RBFOX1: variants seen among roughly 807,000 people sequenced by gnomAD.
RBFOX1 encodes RNA binding protein fox-1 homolog 1.
Under a neutral mutation model 57.7 loss-of-function variants are expected in RBFOX1, and 8 were observed. That is an observed-to-expected ratio of 0.14 (90% CI 0.08 to 0.25). The LOEUF is 0.25. Among genes scored for constraint, RBFOX1 ranks in the 10% least tolerant of loss-of-function variants. The pLI is 1.00. For synonymous variants in RBFOX1, 326 were observed against 222.4 expected (o/e 1.47, Z -4.15); for missense variants, 611 against 548.5 (o/e 1.11, Z -1.14).
intron 3 of RBFOX1, among the ~76,000 whole-genome samples, chr16:7,040,208 A>G (rs895231962): frequency 6.6e-6 from 1 of 151,674 alleles, no homozygotes; most frequent in Admixed American, 6.6e-5. Context: ...TTTAGTAGAG[A>G]CGGGGTTTCA....
At chr16:6,545,749 C>T (rs2096885777) in intron 2 of RBFOX1, among the ~76,000 whole-genome samples, 1 of 152,162 alleles carries the variant, frequency 6.6e-6, no homozygotes, top group Admixed American at 6.5e-5. Context: ...GTGCATTTTC[C>T]CACTTGAGGC....
At chr16:7,621,078 A>G (rs2059246889) in intron 10 of RBFOX1, among the ~76,000 whole-genome samples, 1 of 152,102 alleles carries the variant, frequency 6.6e-6, no homozygotes, top group Non-Finnish European at 1.5e-5. Flanking sequence ...CTGCATTTAG[A>G]AGAGTCCCAG....
intron 3 of RBFOX1, among the ~76,000 whole-genome samples, chr16:6,819,507 C>T (rs923059607): frequency 2.6e-5 from 4 of 151,840 alleles, no homozygotes; most frequent in African/African-American, 9.7e-5. Context: ...AGTTTGAGAC[C>T]AGCCTGACCA....
At chr16:6,984,608 C>T (rs956437014) in intron 3 of RBFOX1, among the ~76,000 whole-genome samples, 1 of 152,108 alleles carries the variant, frequency 6.6e-6, no homozygotes, top group Non-Finnish European at 1.5e-5. Flanking sequence ...AATCTTAGCT[C>T]TGCCCAGTGA....
At chr16:6,801,548 T>C (rs187816011) in intron 3 of RBFOX1, among the ~76,000 whole-genome samples, 2 of 152,074 alleles carry the variant, frequency 1.3e-5, no homozygotes, top group Admixed American at 6.6e-5. Flanking sequence ...CCTTGAAATT[T>C]AGGGTGCAGC....
At chr16:6,714,712 C>A (rs1332276176) in intron 3 of RBFOX1, among the ~76,000 whole-genome samples, 1 of 151,462 alleles carries the variant, frequency 6.6e-6, no homozygotes, top group African/African-American at 2.4e-5. Context: ...GAGTGCCTCA[C>A]GTGGTGGCTT....
chr16:5,423,063 AAAG>A (rs1199047528), intron 1 of RBFOX1, among the ~76,000 whole-genome samples: 5 of 90,530 alleles, frequency 5.5e-5, no homozygotes, highest in Non-Finnish European at 8.9e-5. Context: ...AGAGGGGAGG[AAAG>A]AGGAGGAGGA....
At chr16:6,357,603 C>T (rs949680626) in intron 2 of RBFOX1, among the ~76,000 whole-genome samples, 1 of 151,674 alleles carries the variant, frequency 6.6e-6, no homozygotes, top group Non-Finnish European at 1.5e-5. Flanking sequence ...CCCTCTTGCT[C>T]CCGCTTGTGC....
intron 3 of RBFOX1, among the ~76,000 whole-genome samples, chr16:5,709,986 C>G (rs1296796704): frequency 6.7e-6 from 1 of 149,124 alleles, no homozygotes; most frequent in African/African-American, 2.5e-5. Context: ...TGTTGGGTCT[C>G]TAACTCAGGC....
intron 3 of RBFOX1, among the ~76,000 whole-genome samples, chr16:7,048,131 G>C (rs1208584828): frequency 6.6e-6 from 1 of 152,020 alleles, no homozygotes; most frequent in Admixed American, 6.6e-5. Flanking sequence ...CGACCCGCTT[G>C]GCTTCCCAAA....
chr16:5,647,279 G>T (rs1163643416), intron 3 of RBFOX1, among the ~76,000 whole-genome samples: 1 of 152,166 alleles, frequency 6.6e-6, no homozygotes, highest in African/African-American at 2.4e-5. Context: ...AGCTTGGAAG[G>T]GGCACAGCTG....
In RBFOX1 at chr16:7,672,295, G is replaced by A. The variant is rs368835126; in HGVS notation, c.931-4479G>A. On this transcript the variant is annotated intron_variant, in intron 13 of 15. Coordinates refer to ENST00000550418, the MANE Select transcript of RBFOX1 (RefSeq NM_018723.4). ...TTGGTCTATTACCCACATTGAAACCGTCAAATAAGATGAATGTCAAACTGA... is the reference window on the plus strand; with the variant it reads ...TTGGTCTATTACCCACATTGAAACCATCAAATAAGATGAATGTCAAACTGA... Among the ~76,000 whole-genome samples the A allele has an allele frequency of 7.7e-4, 117 of 152,280 alleles. No individual in the cohort carries two copies. In the South Asian group the frequency reaches 0.023, roughly 30 times the overall value.
At chr16:5,714,514 C>T (rs376768432) in intron 3 of RBFOX1, among the ~76,000 whole-genome samples, 7 of 152,340 alleles carry the variant, frequency 4.6e-5, no homozygotes, top group East Asian at 3.9e-4. Flanking sequence ...GCAGAGGTAT[C>T]TGGCCAACCT....
intron 1 of RBFOX1, among the ~76,000 whole-genome samples, chr16:5,298,442 C>G (rs1222574174): frequency 9.2e-6 from 1 of 108,510 alleles, no homozygotes; most frequent in East Asian, 3.1e-4. Context: ...CTTCCCTCCC[C>G]TCCCCTCCCC....
intron 1 of RBFOX1, among the ~76,000 whole-genome samples, chr16:5,341,223 G>T (rs1161416978): frequency 6.6e-6 from 1 of 152,144 alleles, no homozygotes; most frequent in East Asian, 1.9e-4. Flanking sequence ...TTTAGCTCAT[G>T]GTGAGAAGTT....
At chr16:5,293,356 C>G (rs892986613) in intron 1 of RBFOX1, among the ~76,000 whole-genome samples, 1 of 152,122 alleles carries the variant, frequency 6.6e-6, no homozygotes, top group Non-Finnish European at 1.5e-5. Flanking sequence ...CACCTCATCC[C>G]CACCTCTGCT....
chr16:7,375,697 G>T (rs1192992736), intron 4 of RBFOX1, among the ~76,000 whole-genome samples: 1 of 152,012 alleles, frequency 6.6e-6, no homozygotes, highest in Non-Finnish European at 1.5e-5. Context: ...AGTAAAGTTT[G>T]TCCTGAGAGC....
intron 3 of RBFOX1, among the ~76,000 whole-genome samples, chr16:6,784,327 G>C (rs969667682): frequency 6.6e-6 from 1 of 151,650 alleles, no homozygotes; most frequent in Non-Finnish European, 1.5e-5. Flanking sequence ...TTTCTCTACA[G>C]ACTGTATTTT....
intron 4 of RBFOX1, among the ~76,000 whole-genome samples, chr16:7,354,831 CA>C (rs1444951850): frequency 6.6e-6 from 1 of 152,166 alleles, no homozygotes; most frequent in African/African-American, 2.4e-5. Context: ...TTGTACTAGA[CA>C]GTATGATATA....
Sources: allele counts gnomAD v4.1 joint callset (sites outside exome capture counted in the v4.1 genomes callset), GRCh38; gene constraint gnomAD v4.1.1; transcripts MANE v1.5; gene names NCBI Gene and HGNC (gene_info 2026-07-23, HGNC 2026-07-21).